The following CDC42EP5 variants were observed in gnomAD, a reference collection of about 807,000 sequenced individuals.
The protein encoded by CDC42EP5 is CDC42 effector protein (Rho GTPase binding) 5.
For missense variants in CDC42EP5, 269 were observed against 238.0 expected (o/e 1.13, Z -0.86); for synonymous variants, 118 against 123.3 (o/e 0.96, Z 0.28).
At chr19:54,469,378 TA>T (rs10719259) in intron 2 of CDC42EP5, among the ~76,000 whole-genome samples, 183 of 151,026 alleles carry the variant, frequency 1.2e-3, no homozygotes, top group African/African-American at 4.1e-3. Flanking sequence ...ATCCACAGTT[TA>T]AAAAAAAAAT....
chr19:54,468,947 CCCT>C (rs1215607956), intron 2 of CDC42EP5, among the ~76,000 whole-genome samples: 29 of 148,290 alleles, frequency 2.0e-4, no homozygotes, highest in African/African-American at 6.7e-4. Context: ...TTCCCTCCCT[CCCT>C]CCTTCCTTCC....
At chr19:54,468,702 T>G (rs1442399212) in intron 2 of CDC42EP5, among the ~76,000 whole-genome samples, 1 of 143,304 alleles carries the variant, frequency 7.0e-6, no homozygotes, top group African/African-American at 2.5e-5. Flanking sequence ...TGCTACCATG[T>G]AGTGTTATTT....
rs912177413 is a variant in CDC42EP5, at chr19:54,465,349, C to T, written c.199G>A (p.Ala67Thr). 2 of 1,159,966 alleles carry T rather than the reference C, an allele frequency of 1.7e-6. No individual in the cohort carries two copies. Among genetic ancestry groups the T allele is most frequent in the Non-Finnish European group, 2.1e-6 (2 of 941,752 alleles). 71.9% of individuals were successfully genotyped at this position (1,159,966 alleles called of 1,614,324 possible). ...GCGGGCGGCGGCGGGGAGCGCGGGG[C>T]CCCCGCGGGGGGCGCCCGGGGCTCG... Reference protein sequence around the residue: ...PPEPRAPPAGAPRSPPPPAVP... With the variant: ...PPEPRAPPAGTPRSPPPPAVP... Residue 67 changes from alanine (A) to threonine (T), a missense_variant, in exon 3 of 3, where the codon GCC becomes ACC. Physicochemically the swap from Ala to Thr is moderately conservative, Grantham distance 58. Coordinates refer to ENST00000301200, the MANE Select transcript of CDC42EP5 (RefSeq NM_145057.4).
chr19:54,471,761 T>C, intron 1 of CDC42EP5, 76 bp from the exon 2 acceptor site: 1 of 156,702 alleles, frequency 6.4e-6, no homozygotes, highest in Non-Finnish European at 1.4e-5. Context: ...AGCCACCTCC[T>C]CCTTCGCCCT....
intron 2 of CDC42EP5, among the ~76,000 whole-genome samples, chr19:54,469,705 T>TG (rs2084809389): frequency 6.6e-6 from 1 of 152,216 alleles, no homozygotes; most frequent in African/African-American, 2.4e-5. Context: ...CCTCGGATCA[T>TG]TCTCCCAGTG....
chr19:54,470,471 AAGAAAG>A (rs996670913), intron 2 of CDC42EP5, among the ~76,000 whole-genome samples: 12 of 129,284 alleles, frequency 9.3e-5, no homozygotes, highest in African/African-American at 4.2e-4. Context: ...AGGAAAGAGA[AAGAAAG>A]AGAAAGAAAA....
At position 54,465,489 on chromosome 19, in the gene CDC42EP5, G is replaced by A. The variant is rs1246691982; in HGVS notation, c.59C>T (p.Ala20Val). 6.5e-7 allele frequency: 1 copy of A among 1,537,400 alleles called. No individual in the cohort carries two copies. Among genetic ancestry groups the A allele is most frequent in the African/African-American group, 1.4e-5 (1 of 70,330 alleles). Residue 20 changes from alanine to valine, a missense_variant, in exon 3 of 3, where the codon GCC becomes GTC. Physicochemically the swap from Ala to Val is moderately conservative, Grantham distance 64. Coordinates refer to ENST00000301200, the MANE Select transcript of CDC42EP5 (RefSeq NM_145057.4). The part of the protein sequence containing the change: ...AQPKKRPDRG[A>V]LSISAPLGDF... ...GCCGAGCGGCGCGGAGATGGACAGG[G>A]CGCCGCGATCAGGCCGCTTCTTGGG...
rs867074218 is a variant in CDC42EP5, at chr19:54,465,243, G to T, written c.305C>A (p.Ala102Glu). 1 of 1,429,916 alleles carries T rather than the reference G, an allele frequency of 7.0e-7. No individual in the cohort carries two copies. Among genetic ancestry groups the T allele is most frequent in the Non-Finnish European group, 9.1e-7 (1 of 1,094,696 alleles). The allele number at this position is 1,429,916 out of a possible 1,614,324, so 88.6% of individuals were successfully genotyped here. A position where few individuals can be genotyped will look rare whatever the true frequency, so the allele number is the denominator to read the frequency against. ...HLDLGPSMLDAVLGVMDAARP... is the reference protein window; with the variant it reads ...HLDLGPSMLDEVLGVMDAARP... ...CGCCGCGTCCATGACGCCCAGCACC[G>T]CGTCCAGCATGGAGGGCCCCAGATC... Residue 102 changes from alanine to glutamate, a missense_variant, in exon 3 of 3, where the codon GCG becomes GAG. Physicochemically the swap from Ala to Glu is moderately radical, Grantham distance 107. Transcript: ENST00000301200.
chr19:54,466,084 G>A (rs1473351599), intron 2 of CDC42EP5, among the ~76,000 whole-genome samples: 1 of 152,150 alleles, frequency 6.6e-6, no homozygotes, highest in Non-Finnish European at 1.5e-5. Flanking sequence ...AGCCTTCCTA[G>A]AGGTCAAGTA....
In CDC42EP5 at chr19:54,468,920, C is replaced by CTTCCTTCCTTCCTTCCTTCTTTCTTTCT. The variant is rs753994637; in HGVS notation, c.-1+2624_-1+2625insAGAAAGAAAGAAGGAAGGAAGGAAGGAA. ...CCTTCCTTCCTTCCTTCCTTCCTTC[C>CTTCCTTCCTTCCTTCCTTCTTTCTTTCT]TTCTTTCTTTCTTTTCTTCCCTCCC... On this transcript the variant is annotated intron_variant, in intron 2 of 2. Transcript: ENST00000301200. 7.6e-3 allele frequency among the ~76,000 whole-genome samples: 942 copies of CTTCCTTCCTTCCTTCCTTCTTTCTTTCT among 123,904 alleles called. 15 individuals carry two copies. Among genetic ancestry groups the CTTCCTTCCTTCCTTCCTTCTTTCTTTCT allele is most frequent in the East Asian group, 0.024 (77 of 3,268 alleles). 81.3% of individuals were successfully genotyped at this position (123,904 alleles called of 152,430 possible).
At chr19:54,469,656 C>G (rs186146311) in intron 2 of CDC42EP5, among the ~76,000 whole-genome samples, 10 of 152,348 alleles carry the variant, frequency 6.6e-5, no homozygotes, top group African/African-American at 2.4e-4. Flanking sequence ...GCCCAGCGCA[C>G]AGGGAATGTT....
intron 2 of CDC42EP5, among the ~76,000 whole-genome samples, chr19:54,468,064 C>T (rs1264041870): frequency 2.0e-5 from 3 of 152,140 alleles, no homozygotes; most frequent in Admixed American, 6.6e-5. Context: ...AATAAAATAA[C>T]ACTACCTTCC....
chr19:54,471,837 C>T (rs915515021), intron 1 of CDC42EP5, among the ~76,000 whole-genome samples, 152 bp from the exon 2 acceptor site: 29 of 151,798 alleles, frequency 1.9e-4, no homozygotes, highest in African/African-American at 6.8e-4. Context: ...TCAGGGGCCC[C>T]CAGCCCCTTC....
In CDC42EP5 at chr19:54,465,315, T is replaced by G. The variant is rs2084732956; in HGVS notation, c.233A>C (p.Gln78Pro). The G allele has an allele frequency of 8.3e-7, 1 of 1,210,942 alleles. No homozygotes were observed. The highest frequency in any genetic ancestry group is 1.6e-5 in the African/African-American group (1 of 63,114). The allele number at this position is 1,210,942 out of a possible 1,614,324, so 75.0% of individuals were successfully genotyped here. ...PRSPPPPAVP[Q>P]SAAPSPADPL... ...GTCGGCAGGCGAGGGCGCTGCGGAC[T>G]GCGGGACGGCGGGCGGCGGCGGGGA... Residue 78 changes from glutamine to proline, a missense_variant, in exon 3 of 3, where the codon CAG (glutamine) becomes CCG (proline). Coordinates refer to ENST00000301200, the MANE Select transcript of CDC42EP5 (RefSeq NM_145057.4).
chr19:54,465,348 G>T lies in CDC42EP5; in HGVS notation c.200C>A (p.Ala67Asp), dbSNP rs1258130123. The part of the protein sequence containing the change: ...PPEPRAPPAG[A>D]PRSPPPPAVP... ...GGCGGGCGGCGGCGGGGAGCGCGGG[G>T]CCCCCGCGGGGGGCGCCCGGGGCTC... The change falls in exon 3 of 3, where the codon GCC becomes GAC. Residue 67 changes from alanine (A) to aspartate (D), a missense_variant. By Grantham distance (126) the Ala-to-Asp change is moderately radical. Coordinates refer to ENST00000301200, the MANE Select transcript of CDC42EP5 (RefSeq NM_145057.4). 27 of 1,159,526 alleles carry T rather than the reference G, an allele frequency of 2.3e-5. No individual in the cohort carries two copies. The highest frequency in any genetic ancestry group is 4.7e-5 in the Admixed American group (1 of 21,134). The allele number at this position is 1,159,526 out of a possible 1,614,324, so 71.8% of individuals were successfully genotyped here. A position where few individuals can be genotyped will look rare whatever the true frequency, so the allele number is the denominator to read the frequency against.
rs749372033 is a variant in CDC42EP5 at position 54,465,449 on chromosome 19, C to T, written c.99G>A (p.Thr33=). Residue 33 remains threonine (T), a synonymous_variant, in exon 3 of 3, where the codon ACG becomes ACA. Coordinates refer to ENST00000301200, the MANE Select transcript of CDC42EP5 (RefSeq NM_145057.4). ...ISAPLGDFRH[T]LHVGRGGDAF... is the part of the protein sequence containing the mutation. Reference sequence around the variant, plus strand: ...CGTCGCCGCCGCGCCCCACGTGCAGCGTGTGCCGGAAGTCGCCGAGCGGCG... The same window carrying T: ...CGTCGCCGCCGCGCCCCACGTGCAGTGTGTGCCGGAAGTCGCCGAGCGGCG... 5 of 1,513,888 alleles carry T rather than the reference C, an allele frequency of 3.3e-6. No individual in the cohort carries two copies. The highest frequency in any genetic ancestry group is 2.7e-5 in the East Asian group (1 of 36,560). 93.8% of individuals were successfully genotyped at this position (1,513,888 alleles called of 1,614,324 possible).
chr19:54,465,691 A>G, intron 2 of CDC42EP5, 144 bp from the exon 3 acceptor site: 1 of 1,067,588 alleles, frequency 9.4e-7, no homozygotes, highest in African/African-American at 1.7e-5. Context: ...GCTGGAGTTC[A>G]ATGGCGCCAT....
Sources: allele counts gnomAD v4.1 joint callset (sites outside exome capture counted in the v4.1 genomes callset), GRCh38; gene constraint gnomAD v4.1.1; transcripts MANE v1.5; gene names NCBI Gene and HGNC (gene_info 2026-07-23, HGNC 2026-07-21).